Variants in PRKCZ observed in about 807,000 individuals in gnomAD.
PRKCZ encodes the protein protein kinase C zeta type.
Under a neutral mutation model 79.5 loss-of-function variants are expected in PRKCZ, and 33 were observed. That is an observed-to-expected ratio of 0.41 (90% CI 0.31 to 0.55). PRKCZ has a LOEUF of 0.55. Among genes scored for constraint, PRKCZ ranks in the 20% least tolerant of loss-of-function variants. The pLI is 0.19. For synonymous variants in PRKCZ, 342 were observed against 320.9 expected (o/e 1.07, Z -0.70); for missense variants, 578 against 813.5 (o/e 0.71, Z 3.52).
Position 2,087,322 on chromosome 1 carries a change from A to G in PRKCZ, c.334+27731A>G, listed in dbSNP as rs548500580. On this transcript the variant is annotated intron_variant, in intron 4 of 17. Coordinates refer to ENST00000378567, the MANE Select transcript of PRKCZ (RefSeq NM_002744.6). ...GGTCTCGAACTCCTGACCTCAAGGG[A>G]TCCACCCACCTCGGCCTCCCAAAGT... is the stretch of plus-strand genomic sequence containing the variant. Among the ~76,000 whole-genome samples, 4 of 152,170 alleles carry G rather than the reference A, an allele frequency of 2.6e-5. No individual in the cohort carries two copies. The East Asian group carries it at 5.8e-4, about 22-fold the overall frequency.
Position 2,174,773 on chromosome 1 carries a change from C to G in PRKCZ, c.1425C>G (p.Ile475Met). 1 of 1,614,168 alleles carries G rather than the reference C, an allele frequency of 6.2e-7. No homozygotes were observed. Among genetic ancestry groups the G allele is most frequent in the Non-Finnish European group, 8.5e-7 (1 of 1,180,006 alleles). Residue 475 changes from isoleucine to methionine, a missense_variant, in exon 15 of 18, where the codon ATC becomes ATG. By Grantham distance (10) the Ile-to-Met change is conservative. Coordinates refer to ENST00000378567, the MANE Select transcript of PRKCZ (RefSeq NM_002744.6). This position sits in a 1 kb window ranked among gnomAD's most constrained non-coding sequence, Gnocchi z 6.2. Reference protein sequence around the residue: ...YLFQVILEKPIRIPRFLSVKA... With the variant: ...YLFQVILEKPMRIPRFLSVKA... ...TTGCAGTGATCCTGGAGAAGCCCAT[C>G]CGGATCCCCCGGTTCCTGTCCGTCA...
rs959738052 is a variant in PRKCZ at position 2,050,538 on chromosome 1, C to G, written c.-93C>G. On this transcript the variant is annotated 5_prime_UTR_variant, in exon 1 of 18. Coordinates refer to ENST00000378567, the MANE Select transcript of PRKCZ (RefSeq NM_002744.6). ...GCCGTCGGTCCTGAGCGCTGCCTTC[C>G]GCGTTCCGCCGCGGCCCCACCTGGA... 1.3e-6 allele frequency: 1 copy of G among 799,986 alleles called. No individual in the cohort carries two copies. The highest frequency in any genetic ancestry group is 1.7e-6 in the Non-Finnish European group (1 of 604,054). 49.6% of individuals were successfully genotyped at this position (799,986 alleles called of 1,614,324 possible).
Position 2,173,543 on chromosome 1 carries a change from G to A in PRKCZ, c.1286-354G>A, listed in dbSNP as rs1684879841. On this transcript the variant is annotated intron_variant, in intron 13 of 17. Coordinates refer to ENST00000378567, the MANE Select transcript of PRKCZ (RefSeq NM_002744.6). This position sits in a 1 kb window ranked among gnomAD's most constrained non-coding sequence, Gnocchi z 5.7. The stretch of plus-strand genomic sequence containing the variant: ...ACAGGAGAGTATTTCCGTTACTGCA[G>A]CGAAAGGGCTTCTTCAAGCTTAGTT... Among the ~76,000 whole-genome samples the A allele has an allele frequency of 6.6e-6, 1 of 152,226 alleles. No homozygotes were observed. The highest frequency in any genetic ancestry group is 1.5e-5 in the Non-Finnish European group (1 of 68,038).
chr1:2,169,252 T>C (rs767720770), intron 10 of PRKCZ: 24 of 517,078 alleles, frequency 4.6e-5, no homozygotes, highest in Non-Finnish European at 6.8e-5. Context: ...CCACCCACAC[T>C]TCCCAAGTCC....
At chr1:2,112,139 TC>T (rs1478776910) in intron 4 of PRKCZ, among the ~76,000 whole-genome samples, 3 of 152,226 alleles carry the variant, frequency 2.0e-5, no homozygotes. Flanking sequence ...CCCCTCTCCT[TC>T]CTTCACCTCT....
At chr1:2,068,860 T>C (rs915657144) in intron 4 of PRKCZ, among the ~76,000 whole-genome samples, 6 of 152,152 alleles carry the variant, frequency 3.9e-5, no homozygotes, top group Non-Finnish European at 7.4e-5. Context: ...AGACAGCAGG[T>C]GGCTCTTCTG....
intron 11 of PRKCZ, among the ~76,000 whole-genome samples, chr1:2,170,885 G>A (rs910353503): frequency 2.0e-5 from 3 of 152,228 alleles, no homozygotes; most frequent in African/African-American, 7.2e-5. Context: ...TTGCTTATCC[G>A]TCCATCCCTC....
intron 4 of PRKCZ, among the ~76,000 whole-genome samples, chr1:2,085,646 TCGGGGGGCCC>T (rs1664372829): frequency 6.7e-6 from 1 of 149,486 alleles, no homozygotes. Context: ...GCTGAGGACG[TCGGGGGGCCC>T]TGTTCTCAGA....
Position 2,128,520 on chromosome 1 carries a change from G to A in PRKCZ, c.335-6742G>A, listed in dbSNP as rs58172958. Among the ~76,000 whole-genome samples, 600 of 152,354 alleles carry A rather than the reference G, an allele frequency of 3.9e-3. 25 individuals carry two copies. In the East Asian group the frequency reaches 0.085, roughly 22 times the overall value. On this transcript the variant is annotated intron_variant, in intron 4 of 17. Transcript: ENST00000378567. This position sits in a 1 kb window ranked among gnomAD's most constrained non-coding sequence, Gnocchi z 6.5. ...GGAAACTGAGCTCCTTAGAATTCCT[G>A]TGGCCGTCCTAATTATAGAATCTCA...
intron 5 of PRKCZ, chr1:2,143,458 G>A (rs1047009548): frequency 6.6e-6 from 1 of 152,188 alleles, no homozygotes; most frequent in African/African-American, 2.4e-5. Context: ...GGAGGCTCTG[G>A]GCACATGGTG....
chr1:2,155,187 G>A (rs538680874), intron 9 of PRKCZ, among the ~76,000 whole-genome samples: 2,011 of 152,046 alleles, frequency 0.013, 52 homozygotes, highest in African/African-American at 0.046. Flanking sequence ...CGTGGTGGTG[G>A]TGATGAAGAT....
chr1:2,137,208 A>G (rs1676389502), intron 5 of PRKCZ, among the ~76,000 whole-genome samples: 1 of 152,180 alleles, frequency 6.6e-6, no homozygotes, highest in African/African-American at 2.4e-5. Flanking sequence ...AGTGGCAGGA[A>G]GCATCCAGCA....
At chr1:2,159,726 A>T (rs989526643) in intron 10 of PRKCZ, among the ~76,000 whole-genome samples, 1 of 152,254 alleles carries the variant, frequency 6.6e-6, no homozygotes, top group Non-Finnish European at 1.5e-5. Context: ...GAAACAATTC[A>T]TTCGCAGTTT....
rs959357624 is a variant in PRKCZ at position 2,094,984 on chromosome 1, G to A, written c.334+35393G>A. Among the ~76,000 whole-genome samples the A allele has an allele frequency of 3.3e-5, 5 of 152,146 alleles. No homozygotes were observed. The highest frequency in any genetic ancestry group is 3.9e-4 in the East Asian group (2 of 5,190). On this transcript the variant is annotated intron_variant, in intron 4 of 17. Coordinates refer to ENST00000378567, the MANE Select transcript of PRKCZ (RefSeq NM_002744.6). This position sits in a 1 kb window ranked among gnomAD's most constrained non-coding sequence, Gnocchi z 7.3. Reference sequence around the variant, plus strand: ...CGGCATGACACGGACACTGGTGCCCGAGTGATGCCTGTGGGTGATGCAGAC... The same window carrying A: ...CGGCATGACACGGACACTGGTGCCCAAGTGATGCCTGTGGGTGATGCAGAC...
intron 3 of PRKCZ, among the ~76,000 whole-genome samples, chr1:2,057,313 T>TG (rs1660258616): frequency 6.6e-6 from 1 of 152,182 alleles, no homozygotes; most frequent in Non-Finnish European, 1.5e-5. Context: ...CCGGTACTGC[T>TG]GGGGGTCTGC....
At chr1:2,054,677 C>T (rs980878099) in intron 1 of PRKCZ, among the ~76,000 whole-genome samples, 6 of 152,084 alleles carry the variant, frequency 3.9e-5, no homozygotes, top group Non-Finnish European at 5.9e-5. Flanking sequence ...ATTTAATCCC[C>T]GCCACTTCAC....
Position 2,177,409 on chromosome 1 carries a change from C to T in PRKCZ, c.1575+2096C>T, listed in dbSNP as rs998890112. 1.1e-4 allele frequency among the ~76,000 whole-genome samples: 16 copies of T among 152,216 alleles called. No individual in the cohort carries two copies. Among genetic ancestry groups the T allele is most frequent in the Admixed American group, 2.0e-4 (3 of 15,290 alleles). On this transcript the variant is annotated intron_variant, in intron 16 of 17. Coordinates refer to ENST00000378567, the MANE Select transcript of PRKCZ (RefSeq NM_002744.6). This position sits in a 1 kb window ranked among gnomAD's most constrained non-coding sequence, Gnocchi z 6.4. ...CACCACCGTATGGGGCCCACCAGCACCATGGGATCCAGGGAGAGCCCGATC... is the reference window on the plus strand; with the variant it reads ...CACCACCGTATGGGGCCCACCAGCATCATGGGATCCAGGGAGAGCCCGATC...
intron 10 of PRKCZ, among the ~76,000 whole-genome samples, chr1:2,157,712 G>T (rs1014735663): frequency 2.2e-5 from 3 of 134,168 alleles, no homozygotes; most frequent in African/African-American, 8.3e-5. Flanking sequence ...CGCCTCCAGA[G>T]TTTTTTTTTT....
rs546262348 is a variant in PRKCZ, at chr1:2,090,717, G to A, written c.334+31126G>A. 2.4e-4 allele frequency among the ~76,000 whole-genome samples: 36 copies of A among 152,356 alleles called. No individual in the cohort carries two copies. The South Asian group carries it at 2.9e-3, about 12-fold the overall frequency. ...CATGGCACCTGGCGTGGGCGCCCTG[G>A]GAGCGGCAGCCGGGGGCGTCTCGGA... On this transcript the variant is annotated intron_variant, in intron 4 of 17. Coordinates refer to ENST00000378567, the MANE Select transcript of PRKCZ (RefSeq NM_002744.6).
Sources: gnomAD v4.1 joint callset for allele counts (sites outside exome capture counted in the v4.1 genomes callset) on GRCh38, gnomAD v4.1.1 for gene constraint, Gnocchi (gnomAD v3.1) non-coding constraint, MANE v1.5 for transcripts, NCBI Gene and HGNC (gene_info 2026-07-23, HGNC 2026-07-21) for gene names.